NCKAP5: variants seen among roughly 807,000 people sequenced by gnomAD.
NCKAP5 encodes NCK associated protein 5.
A neutral mutation model predicts 167.0 loss-of-function variants in NCKAP5; 92 were observed. That is an observed-to-expected ratio of 0.55 (90% confidence interval 0.47 to 0.66). NCKAP5 has a LOEUF of 0.66. Among genes scored for constraint, NCKAP5 ranks in the 30% least tolerant of loss-of-function variants. The pLI, the probability that NCKAP5 is intolerant of heterozygous loss-of-function variation, is 0.00. For synonymous variants in NCKAP5, 891 were observed against 877.4 expected (o/e 1.02, Z -0.27); for missense variants, 2,378 against 2,315.0 (o/e 1.03, Z -0.56).
At chr2:133,405,089 A>G (rs1688339203) in intron 3 of NCKAP5, among the ~76,000 whole-genome samples, 1 of 152,202 alleles carries the variant, frequency 6.6e-6, no homozygotes, top group African/African-American at 2.4e-5. Context: ...TATGTTTCAT[A>G]ATGTCATTGC....
chr2:132,968,163 TG>T (rs1466450689), intron 7 of NCKAP5, among the ~76,000 whole-genome samples: 1 of 152,120 alleles, frequency 6.6e-6, no homozygotes, highest in Non-Finnish European at 1.5e-5. Flanking sequence ...GGAAGAAGTT[TG>T]GATTTTATTC....
At chr2:133,624,307 G>A in the NCKAP5 span, among the ~76,000 whole-genome samples, 1 of 151,806 alleles carries the variant, frequency 6.6e-6, no homozygotes, top group African/African-American at 2.4e-5. Context: ...TTTTTAAAAA[G>A]AATCTTCTGT....
intron 5 of NCKAP5, among the ~76,000 whole-genome samples, chr2:133,155,365 T>C (rs1320356992): frequency 5.9e-5 from 9 of 152,196 alleles, no homozygotes; most frequent in Admixed American, 1.3e-4. Flanking sequence ...TCTGATTCAG[T>C]ACTGCTGGGA....
At chr2:132,740,201 CAAT>C (rs1310434518) in intron 16 of NCKAP5, among the ~76,000 whole-genome samples, 6 of 152,158 alleles carry the variant, frequency 3.9e-5, no homozygotes, top group Non-Finnish European at 8.8e-5. Flanking sequence ...GCCAAACATA[CAAT>C]GAGGCCCCAA....
intron 6 of NCKAP5, among the ~76,000 whole-genome samples, chr2:132,998,166 AT>A: frequency 6.6e-6 from 1 of 152,348 alleles, no homozygotes; most frequent in African/African-American, 2.4e-5. Context: ...ATGAAATCAT[AT>A]TATTTTTTAC....
At chr2:133,483,818 C>T (rs1276707241) in intron 3 of NCKAP5, among the ~76,000 whole-genome samples, 1 of 152,108 alleles carries the variant, frequency 6.6e-6, no homozygotes, top group Non-Finnish European at 1.5e-5. Flanking sequence ...CATGGTCTCC[C>T]CCCATATCTA....
At chr2:133,449,854 A>T (rs1163291348) in intron 3 of NCKAP5, among the ~76,000 whole-genome samples, 3 of 151,760 alleles carry the variant, frequency 2.0e-5, no homozygotes, top group Admixed American at 6.6e-5. Context: ...CAGAGATTTT[A>T]AAACTTGGAT....
intron 6 of NCKAP5, chr2:133,123,500 C>T (rs2082312440): frequency 5.2e-6 from 1 of 190,612 alleles, no homozygotes; most frequent in Non-Finnish European, 1.1e-5. Flanking sequence ...GTTGCTTTAC[C>T]ATCTTCAACT....
intron 3 of NCKAP5, among the ~76,000 whole-genome samples, chr2:133,465,217 T>A (rs866812679): frequency 3.1e-4 from 43 of 137,700 alleles, no homozygotes; most frequent in African/African-American, 1.1e-3. Context: ...GTCCATGTGA[T>A]CTCATTGTTC....
chr2:132,802,410 G>C (rs1032597454), intron 11 of NCKAP5, among the ~76,000 whole-genome samples: 2 of 152,182 alleles, frequency 1.3e-5, no homozygotes, highest in African/African-American at 4.8e-5. Context: ...TCACCTCACA[G>C]CTTCTAGAAA....
chr2:133,668,014 T>C, the NCKAP5 span, among the ~76,000 whole-genome samples: 86 of 152,164 alleles, frequency 5.7e-4, no homozygotes, highest in African/African-American at 1.9e-3. Flanking sequence ...TCTGAACATT[T>C]CACATGGAAT....
chr2:133,644,136 AGG>A, the NCKAP5 span, among the ~76,000 whole-genome samples: 1 of 152,224 alleles, frequency 6.6e-6, no homozygotes, highest in Non-Finnish European at 1.5e-5. Flanking sequence ...TATGTCTGTG[AGG>A]ATGTTCCTGG....
At chr2:133,335,360 T>A (rs2150742408) in intron 3 of NCKAP5, among the ~76,000 whole-genome samples, 1 of 152,324 alleles carries the variant, frequency 6.6e-6, no homozygotes, top group Non-Finnish European at 1.5e-5. Flanking sequence ...TGCTAGTAAT[T>A]CTTATTTGAC....
chr2:133,242,143 C>CAAAAAAAAAAAAAAAAAAAAAAA, intron 4 of NCKAP5, among the ~76,000 whole-genome samples: 1 of 131,532 alleles, frequency 7.6e-6, no homozygotes. Flanking sequence ...AAAAAAAAAG[C>CAAAAAAAAAAAAAAAAAAAAAAA]AAAAATGACC....
At chr2:132,971,567 GT>G (rs1164918685) in intron 7 of NCKAP5, among the ~76,000 whole-genome samples, 1 of 152,172 alleles carries the variant, frequency 6.6e-6, no homozygotes, top group East Asian at 1.9e-4. Context: ...GTTGGGGGAA[GT>G]TAACACAGAT....
At chr2:133,617,459 A>C in the NCKAP5 span, among the ~76,000 whole-genome samples, 1 of 146,134 alleles carries the variant, frequency 6.8e-6, no homozygotes, top group African/African-American at 2.5e-5. Context: ...GCAAAGTCTC[A>C]GGATACAAAA....
chr2:133,214,335 C>T (rs1233359893), intron 4 of NCKAP5, among the ~76,000 whole-genome samples: 2 of 152,098 alleles, frequency 1.3e-5, no homozygotes, highest in Non-Finnish European at 2.9e-5. Context: ...GATGAAGAAA[C>T]TGAGGCCCAA....
chr2:133,493,761 C>A (rs936613969), intron 3 of NCKAP5, among the ~76,000 whole-genome samples: 4 of 152,152 alleles, frequency 2.6e-5, no homozygotes, highest in African/African-American at 9.7e-5. Flanking sequence ...TTATAGTACA[C>A]AGAAGAGTGA....
intron 6 of NCKAP5, among the ~76,000 whole-genome samples, chr2:133,067,343 A>T (rs901967591): frequency 6.6e-6 from 1 of 152,274 alleles, no homozygotes; most frequent in Non-Finnish European, 1.5e-5. Flanking sequence ...TTTATGTTTT[A>T]AAAAAGAAAA....
Sources: gnomAD v4.1 joint callset for allele counts (sites outside exome capture counted in the v4.1 genomes callset) on GRCh38, gnomAD v4.1.1 for gene constraint, MANE v1.5 for transcripts, NCBI Gene and HGNC (gene_info 2026-07-23, HGNC 2026-07-21) for gene names.